Variants in BPIFB3 observed in about 807,000 individuals in gnomAD.
BPIFB3 encodes the protein BPI fold containing family B member 3, also known as BPI fold-containing family B member 3.
In BPIFB3, 49 loss-of-function variants were observed where a neutral mutation model predicts 53.1. That is an observed-to-expected ratio of 0.92 (90% confidence interval 0.73 to 1.17). The LOEUF (loss-of-function observed/expected upper bound fraction) is 1.17. BPIFB3 is among the 50% of genes most tolerant of loss of function. BPIFB3 has a pLI of 0.00. For missense variants in BPIFB3, 628 were observed against 592.5 expected, an observed-to-expected ratio of 1.06 and a Z score of -0.62; for synonymous variants, 271 against 269.6, an observed-to-expected ratio of 1.01 and a Z score of -0.05.
At chr20:33,055,578 G>C in intron 1 of BPIFB3, 31 bp downstream of exon 2, 14 of 1,612,470 alleles carry the variant, frequency 8.7e-6, no homozygotes, top group Non-Finnish European at 1.2e-5. Flanking sequence ...CTGTGAGGGG[G>C]CTGCTGCAAT....
At chr20:33,059,405 A>G in exon 3 of BPIFB3, 1 of 1,612,690 alleles carries the variant, frequency 6.2e-7, no homozygotes, top group Admixed American at 1.7e-5. Flanking sequence ...TCACGCTGCC[A>G]AAGGTGTTGC....
intron 4 of BPIFB3, among the ~76,000 whole-genome samples, chr20:33,061,066 G>A (rs1469649367): frequency 2.0e-5 from 3 of 152,154 alleles, no homozygotes; most frequent in Non-Finnish European, 4.4e-5. Context: ...TCCCAATCCC[G>A]GCCCCTGCTC....
Position 33,056,594 on chromosome 20 carries a change from G to T in BPIFB3, c.177G>T (p.Ser59=), listed in dbSNP as rs150528981. The change falls in exon 2 of 15, where the codon TCG becomes TCT. Residue 59 remains serine, a synonymous_variant. Coordinates refer to ENST00000375494, the Ensembl canonical transcript of BPIFB3. ...CCATTCTGCAGAATGTGCTGGGATC[G>T]GTCACAGCTGTGAACCGGGGCCTCT... 845 of 1,613,990 alleles carry T rather than the reference G, an allele frequency of 5.2e-4. 4 individuals are homozygous for T. In the African/African-American group the frequency reaches 0.01, roughly 19 times the overall value.
intron 14 of BPIFB3, 134 bp from the exon 16 acceptor site, chr20:33,073,442 C>T: frequency 8.4e-6 from 7 of 830,268 alleles, no homozygotes; most frequent in Admixed American, 5.1e-5. Context: ...TTTCATCATT[C>T]ATTTATTCAT....
chr20:33,056,471 G>C, intron 1 of BPIFB3, 71 bp from the exon 3 acceptor site: 1 of 1,552,104 alleles, frequency 6.4e-7, no homozygotes, highest in Non-Finnish European at 8.8e-7. Flanking sequence ...TCAGAGGAAG[G>C]AGGCAGCTGC....
Position 33,059,917 on chromosome 20 carries a change from C to T in BPIFB3, c.413C>T (p.Ala138Val). The T allele has an allele frequency of 1.9e-6, 3 of 1,614,046 alleles. No individual in the cohort carries two copies. Among genetic ancestry groups the T allele is most frequent in the Non-Finnish European group, 2.5e-6 (3 of 1,179,988 alleles). Residue 138 changes from alanine to valine, a missense_variant, in exon 4 of 15, where the codon GCT becomes GTT. Transcript: ENST00000375494. ...CCCCTTGGTGGCCTTCTGCAGCTGGCTGCGGAGGTGAACGTGACATCGCGG... is the reference window on the plus strand; with the variant it reads ...CCCCTTGGTGGCCTTCTGCAGCTGGTTGCGGAGGTGAACGTGACATCGCGG...
In BPIFB3 at chr20:33,066,756, C is replaced by T. The variant is rs1001927833; in HGVS notation, c.925-68C>T. Reference sequence around the variant, plus strand: ...GGGAAGAGTGGTGAACGAAACTGCTCTGAGTGTGCTGAGGGATTCCTGTTC... The same window carrying T: ...GGGAAGAGTGGTGAACGAAACTGCTTTGAGTGTGCTGAGGGATTCCTGTTC... On this transcript the variant is annotated intron_variant, in intron 8 of 14. Coordinates refer to ENST00000375494, the Ensembl canonical transcript of BPIFB3. 4.0e-6 allele frequency: 6 copies of T among 1,497,710 alleles called. No individual in the cohort carries two copies. In the African/African-American group the frequency reaches 8.3e-5, roughly 21 times the overall value. 92.8% of individuals were successfully genotyped at this position (1,497,710 alleles called of 1,614,324 possible).
chr20:33,059,735 T>A (rs556782336), intron 3 of BPIFB3, among the ~76,000 whole-genome samples, 156 bp from the exon 5 acceptor site: 2 of 151,998 alleles, frequency 1.3e-5, no homozygotes, highest in African/African-American at 4.8e-5. Flanking sequence ...CCTGAGAGGG[T>A]CAGGGAAGAG....
chr20:33,055,681 TG>T, intron 1 of BPIFB3, 134 bp downstream of exon 2: 1 of 1,311,518 alleles, frequency 7.6e-7, no homozygotes, highest in Non-Finnish European at 1.0e-6. Context: ...CACATTCTCC[TG>T]GGAGTAGCTG....
upstream of BPIFB3, chr20:33,055,344 A>C (rs1485623545): frequency 1.9e-6 from 3 of 1,574,490 alleles, no homozygotes; most frequent in Admixed American, 3.4e-5. Flanking sequence ...GGAAGGGGGA[A>C]GGCTGATAAT....
intron 8 of BPIFB3, among the ~76,000 whole-genome samples, chr20:33,065,559 AAAAG>A (rs10535219): frequency 0.38 from 57,325 of 149,578 alleles, 11,697 homozygotes; most frequent in East Asian, 0.79. Flanking sequence ...AAAGAAAAGA[AAAAG>A]AAAGAAAGAG....
exon 8 of BPIFB3, chr20:33,064,777 C>A (rs866870175): frequency 1.2e-6 from 2 of 1,614,098 alleles, no homozygotes; most frequent in Middle Eastern, 3.3e-4. Flanking sequence ...GCCACTGTAC[C>A]TCTTCAACAC....
chr20:33,069,772 G>T, intron 10 of BPIFB3, 116 bp from the exon 12 acceptor site: 2 of 1,031,156 alleles, frequency 1.9e-6, no homozygotes, highest in Non-Finnish European at 1.5e-6. Context: ...CACAGACCCT[G>T]ACACACAGTA....
intron 13 of BPIFB3, 119 bp downstream of exon 14, chr20:33,072,286 C>A: frequency 9.1e-7 from 1 of 1,104,524 alleles, no homozygotes; most frequent in South Asian, 1.3e-5. Flanking sequence ...GGTCGATCCT[C>A]ATTTGCAAGA....
chr20:33,060,032 G>T lies in BPIFB3; in HGVS notation c.527+1G>T. The T allele has an allele frequency of 6.2e-7, 1 of 1,613,580 alleles. No homozygotes were observed. The highest frequency in any genetic ancestry group is 8.5e-7 in the Non-Finnish European group (1 of 1,179,770). On this transcript the variant is annotated splice_donor_variant, in intron 4 of 14. Transcript: ENST00000375494. LOFTEE classifies it high-confidence loss of function. ...TGGGCCACATCAGCCTGTTCTCAGGGTGAGTCTGCAGGTTCCAGCCTGCAA... is the reference window on the plus strand; with the variant it reads ...TGGGCCACATCAGCCTGTTCTCAGGTTGAGTCTGCAGGTTCCAGCCTGCAA...
chr20:33,059,566 C>CA lies in BPIFB3; in HGVS notation c.386+85dup, dbSNP rs1980358272. 12 of 982,992 alleles carry CA rather than the reference C, an allele frequency of 1.2e-5. No individual in the cohort carries two copies. In the East Asian group the frequency reaches 3.1e-4, roughly 26 times the overall value. The allele number at this position is 982,992 out of a possible 1,614,324, so 60.9% of individuals were successfully genotyped here. ...GGAGACTCCTACTCTGCTGTCCCCC[C>CA]ACTCCCACCCCTCTGTATCCCCCAT... On this transcript the variant is annotated intron_variant, in intron 3 of 14. Transcript: ENST00000375494.
chr20:33,064,333 G>A (rs1396305886), intron 6 of BPIFB3, 124 bp from the exon 8 acceptor site: 4 of 773,332 alleles, frequency 5.2e-6, no homozygotes, highest in South Asian at 1.7e-5. Context: ...GATGACAGTA[G>A]CAGCCAAGTG....
intron 5 of BPIFB3, among the ~76,000 whole-genome samples, chr20:33,062,062 C>CTT: frequency 4.6e-4 from 1 of 2,182 alleles, no homozygotes; most frequent in African/African-American, 6.3e-3. Flanking sequence ...ATCGTAGGCT[C>CTT]CTAAGAAGGG....
In BPIFB3 at chr20:33,071,461, G is replaced by A. The variant is rs562681406; in HGVS notation, c.1260+166G>A. On this transcript the variant is annotated intron_variant, in intron 12 of 14. Transcript: ENST00000375494. ...CAAATATCAGGGCGGGTGTGCGTGA[G>A]AGAGAGCAGGGGGTGTGGGCAGTGG... 1.1e-3 allele frequency among the ~76,000 whole-genome samples: 173 copies of A among 152,216 alleles called. 1 individual carries two copies. Among genetic ancestry groups the A allele is most frequent in the African/African-American group, 4.0e-3 (168 of 41,520 alleles).
Sources: gnomAD v4.1 joint callset for allele counts (sites outside exome capture counted in the v4.1 genomes callset) on GRCh38, gnomAD v4.1.1 for gene constraint, MANE v1.5 for transcripts, NCBI Gene and HGNC (gene_info 2026-07-23, HGNC 2026-07-21) for gene names.